NMNAT3: variants seen among roughly 807,000 people sequenced by gnomAD.
NMNAT3 encodes nicotinamide/nicotinic acid mononucleotide adenylyltransferase 3.
A neutral mutation model predicts 24.8 loss-of-function variants in NMNAT3; 21 were observed. The observed-to-expected ratio is 0.85, with a 90% confidence interval of 0.60 to 1.22. The LOEUF (loss-of-function observed/expected upper bound fraction) is 1.22, where lower values mean the gene tolerates loss of function less well. Among genes scored for constraint, NMNAT3 ranks in the 50% most tolerant of loss-of-function variants. The pLI, the probability that NMNAT3 is intolerant of heterozygous loss-of-function variation, is 0.00. For synonymous variants in NMNAT3, 136 were observed against 155.2 expected, an observed-to-expected ratio of 0.88 and a Z score of 0.92; for missense variants, 387 against 436.6, an observed-to-expected ratio of 0.89 and a Z score of 1.01.
intron 3 of NMNAT3, among the ~76,000 whole-genome samples, chr3:139,594,399 A>G (rs2054346200): frequency 6.6e-6 from 1 of 152,230 alleles, no homozygotes; most frequent in Non-Finnish European, 1.5e-5. Context: ...AGGAACTCGT[A>G]CCATTCCTTC....
At chr3:139,671,662 G>A (rs547761977) in intron 1 of NMNAT3, among the ~76,000 whole-genome samples, 1 of 151,954 alleles carries the variant, frequency 6.6e-6, no homozygotes, top group African/African-American at 2.4e-5. Context: ...ATGATCAACG[G>A]CACCATATAA....
At chr3:139,608,387 A>G (rs2055040858) in intron 3 of NMNAT3, among the ~76,000 whole-genome samples, 1 of 152,180 alleles carries the variant, frequency 6.6e-6, no homozygotes, top group African/African-American at 2.4e-5. Context: ...CCTTGTACCT[A>G]TAGAATAGGA....
intron 6 of NMNAT3, among the ~76,000 whole-genome samples, 181 bp downstream of exon 6, chr3:139,573,417 A>G (rs548042351): frequency 6.6e-6 from 1 of 152,282 alleles, no homozygotes; most frequent in South Asian, 2.1e-4. Flanking sequence ...GTGGTGGCAG[A>G]TTGTCTAATC....
chr3:139,560,830 T>C lies in NMNAT3; in HGVS notation c.*180A>G, dbSNP rs1316492543. ...TGTCTATCCTTGTGATTTAGACCTT[T>C]CCTCTCCTGTAAAGAAGGTATCTCT... On this transcript the variant is annotated 3_prime_UTR_variant, in exon 7 of 7. Transcript: ENST00000643695. The C allele has an allele frequency of 3.1e-5, 19 of 618,358 alleles. No individual in the cohort carries two copies. The highest frequency in any genetic ancestry group is 5.3e-5 in the Non-Finnish European group (19 of 356,368). The allele number at this position is 618,358 out of a possible 1,614,324, so 38.3% of individuals were successfully genotyped here.
At chr3:139,621,175 AG>A (rs1412564029) in intron 3 of NMNAT3, among the ~76,000 whole-genome samples, 1 of 152,224 alleles carries the variant, frequency 6.6e-6, no homozygotes, top group African/African-American at 2.4e-5. Context: ...CAATTGCTTC[AG>A]GTCCTTAGCC....
chr3:139,663,589 G>C (rs1162322030), intron 1 of NMNAT3, among the ~76,000 whole-genome samples: 1 of 152,140 alleles, frequency 6.6e-6, no homozygotes, highest in Non-Finnish European at 1.5e-5. Flanking sequence ...GTGTGAATTT[G>C]GGCCACTTAA....
At chr3:139,669,879 GA>G (rs2108452350) in intron 1 of NMNAT3, among the ~76,000 whole-genome samples, 1 of 152,226 alleles carries the variant, frequency 6.6e-6, no homozygotes, top group African/African-American at 2.4e-5. Context: ...TACAAGAGAG[GA>G]AAAAACATTG....
intron 3 of NMNAT3, among the ~76,000 whole-genome samples, chr3:139,624,771 A>G (rs982127381): frequency 2.6e-5 from 4 of 152,152 alleles, no homozygotes; most frequent in Non-Finnish European, 5.9e-5. Flanking sequence ...ATGGTTCAGA[A>G]TATGGCTTAT....
chr3:139,642,097 T>C (rs2056724349), intron 1 of NMNAT3, among the ~76,000 whole-genome samples: 1 of 152,154 alleles, frequency 6.6e-6, no homozygotes, highest in Admixed American at 6.5e-5. Flanking sequence ...CTGGACACTG[T>C]GGTGTAGGGA....
chr3:139,595,717 TCCC>T (rs571642101), intron 3 of NMNAT3, among the ~76,000 whole-genome samples: 12,259 of 152,138 alleles, frequency 0.081, 1,076 homozygotes, highest in East Asian at 0.37. Flanking sequence ...GGGAAAGGAT[TCCC>T]TATTTAATAA....
intron 1 of NMNAT3, among the ~76,000 whole-genome samples, chr3:139,665,717 T>G (rs1231205535): frequency 3.1e-5 from 4 of 127,520 alleles, no homozygotes; most frequent in Non-Finnish European, 6.5e-5. Flanking sequence ...TACTATTCAT[T>G]TGTAACAGGA....
intron 5 of NMNAT3, among the ~76,000 whole-genome samples, chr3:139,574,333 G>T (rs557096946): frequency 2.6e-5 from 4 of 152,364 alleles, no homozygotes; most frequent in African/African-American, 9.6e-5. Context: ...TGCTGCATCT[G>T]CCAGTGAGGA....
chr3:139,593,588 T>G (rs1303099020), intron 3 of NMNAT3, among the ~76,000 whole-genome samples: 18 of 151,974 alleles, frequency 1.2e-4, no homozygotes, highest in East Asian at 7.8e-4. Flanking sequence ...AAATGTAAAA[T>G]AACAGAAATT....
intron 1 of NMNAT3, among the ~76,000 whole-genome samples, chr3:139,655,690 C>T (rs891456166): frequency 6.6e-6 from 1 of 152,250 alleles, no homozygotes; most frequent in Non-Finnish European, 1.5e-5. Context: ...GTAGTAAGCA[C>T]TGCTGCATCT....
At chr3:139,622,722 A>G (rs4105195) in intron 3 of NMNAT3, among the ~76,000 whole-genome samples, 134,675 of 144,578 alleles carry the variant, frequency 0.93, 63,565 homozygotes, top group East Asian at 1. Flanking sequence ...GTGACAGAGC[A>G]AGACTCTGTC....
At chr3:139,661,179 C>A (rs1484593654) in intron 1 of NMNAT3, among the ~76,000 whole-genome samples, 1 of 152,160 alleles carries the variant, frequency 6.6e-6, no homozygotes, top group East Asian at 1.9e-4. Flanking sequence ...AAGAGCTCAA[C>A]AAAAGCACCT....
chr3:139,593,902 C>A (rs2054319961), intron 3 of NMNAT3, among the ~76,000 whole-genome samples: 1 of 145,208 alleles, frequency 6.9e-6, no homozygotes, highest in Admixed American at 6.9e-5. Context: ...ATTAAAAGAA[C>A]TAGAAAAGCA....
intron 1 of NMNAT3, among the ~76,000 whole-genome samples, chr3:139,663,240 A>G (rs2057473844): frequency 6.6e-6 from 1 of 152,108 alleles, no homozygotes; most frequent in Non-Finnish European, 1.5e-5. Flanking sequence ...CTCATGCTAC[A>G]TCTCTCTGAC....
At chr3:139,645,555 A>G (rs1430633280) in intron 1 of NMNAT3, among the ~76,000 whole-genome samples, 1 of 152,172 alleles carries the variant, frequency 6.6e-6, no homozygotes, top group Admixed American at 6.5e-5. Context: ...TCATGGTCGC[A>G]TGACCGCTGT....
Sources: allele counts gnomAD v4.1 joint callset (sites outside exome capture counted in the v4.1 genomes callset), GRCh38; gene constraint gnomAD v4.1.1; transcripts MANE v1.5; gene names NCBI Gene and HGNC (gene_info 2026-07-23, HGNC 2026-07-21).